The following WWC1 variants were observed in gnomAD, a reference collection of about 807,000 sequenced individuals.
WWC1 encodes the protein WW and C2 domain containing 1, also known as protein KIBRA.
In WWC1, 55 loss-of-function variants were observed where a neutral mutation model predicts 138.4. The observed-to-expected ratio is 0.40, with a 90% CI of 0.32 to 0.50. WWC1 has a LOEUF of 0.50. WWC1 is among the 20% of genes least tolerant of loss of function. The pLI is 0.72. For missense variants in WWC1, 1,226 were observed against 1,420.4 expected (o/e 0.86, Z 2.20); for synonymous variants, 524 against 564.9 (o/e 0.93, Z 1.03).
chr5:168,380,009 G>T (rs1777494626), intron 2 of WWC1, among the ~76,000 whole-genome samples: 4 of 152,154 alleles, frequency 2.6e-5, no homozygotes. Flanking sequence ...AATAAATTTG[G>T]TTTCATCAAA....
At chr5:168,331,874 G>A (rs1237257015) in intron 1 of WWC1, among the ~76,000 whole-genome samples, 1 of 152,148 alleles carries the variant, frequency 6.6e-6, no homozygotes, top group Admixed American at 6.6e-5. Context: ...TGCTGGGCAC[G>A]GTGGCTCATG....
intron 17 of WWC1, among the ~76,000 whole-genome samples, chr5:168,446,235 A>T (rs1188488142): frequency 2.7e-5 from 3 of 111,782 alleles, no homozygotes; most frequent in Non-Finnish European, 5.4e-5. Context: ...CCATTATTAA[A>T]AAAAAAAAAA....
At chr5:168,401,876 T>C (rs893354188) in intron 5 of WWC1, among the ~76,000 whole-genome samples, 5 of 152,194 alleles carry the variant, frequency 3.3e-5, no homozygotes, top group African/African-American at 1.2e-4. Context: ...AGAAAATGCC[T>C]ATTTTTGACC....
chr5:168,461,160 C>A (rs1272101356), intron 20 of WWC1, among the ~76,000 whole-genome samples: 1 of 152,092 alleles, frequency 6.6e-6, no homozygotes, highest in Non-Finnish European at 1.5e-5. Flanking sequence ...GAAACCCCAT[C>A]TCTACTAAAA....
intron 8 of WWC1, 42 bp from the exon 9 acceptor site, chr5:168,414,306 G>A (rs1321984941): frequency 2.5e-6 from 4 of 1,604,036 alleles, no homozygotes; most frequent in Admixed American, 1.7e-5. Context: ...TTCCCTCAGT[G>A]CCATTAGGCA....
At chr5:168,348,399 C>T (rs1774657252) in intron 1 of WWC1, among the ~76,000 whole-genome samples, 1 of 152,224 alleles carries the variant, frequency 6.6e-6, no homozygotes, top group African/African-American at 2.4e-5. Context: ...GGCAGTGACC[C>T]AGGCTCCTTT....
chr5:168,352,899 A>G (rs935237703), intron 1 of WWC1, among the ~76,000 whole-genome samples: 2 of 152,076 alleles, frequency 1.3e-5, no homozygotes, highest in Non-Finnish European at 2.9e-5. Context: ...AATAATTTTC[A>G]ATTATACAAA....
intron 7 of WWC1, among the ~76,000 whole-genome samples, chr5:168,408,928 C>T (rs554118332): frequency 6.6e-6 from 1 of 152,254 alleles, no homozygotes; most frequent in Admixed American, 6.5e-5. Flanking sequence ...TAATGCTGCA[C>T]AGAAAGCATG....
At chr5:168,357,541 C>T (rs1775553968) in intron 1 of WWC1, among the ~76,000 whole-genome samples, 1 of 149,226 alleles carries the variant, frequency 6.7e-6, no homozygotes, top group Non-Finnish European at 1.5e-5. Flanking sequence ...TATTGTGTTC[C>T]CTTTCTGTGC....
At chr5:168,333,619 C>G (rs1773213308) in intron 1 of WWC1, among the ~76,000 whole-genome samples, 1 of 152,162 alleles carries the variant, frequency 6.6e-6, no homozygotes, top group South Asian at 2.1e-4. Flanking sequence ...AAACACTGAG[C>G]TCTGCACTGG....
chr5:168,417,334 T>C (rs1780737060), intron 9 of WWC1, among the ~76,000 whole-genome samples: 1 of 152,196 alleles, frequency 6.6e-6, no homozygotes, highest in African/African-American at 2.4e-5. Flanking sequence ...ATTGAGGCTC[T>C]TCCCTTCTGT....
rs1581828925 is a variant in WWC1 at position 168,291,809 on chromosome 5, C to T, written c.-344C>T. On this transcript the variant is annotated 5_prime_UTR_variant, in exon 1 of 23. Coordinates refer to ENST00000265293, the MANE Select transcript of WWC1 (RefSeq NM_015238.3). ...CAGCGGCGGCGTGGAGGGCGCAGCG[C>T]GCCGCGCGGCGGAGGAGGGCAGACG... The T allele has an allele frequency of 6.6e-6, 1 of 150,840 alleles. No homozygotes were observed. Among genetic ancestry groups the T allele is most frequent in the South Asian group, 1.8e-4 (1 of 5,672 alleles). 9.3% of individuals were successfully genotyped at this position (150,840 alleles called of 1,614,324 possible). A position where few individuals can be genotyped will look rare whatever the true frequency, so the allele number is the denominator to read the frequency against.
At chr5:168,462,697 C>T (rs571465846) in intron 20 of WWC1, among the ~76,000 whole-genome samples, 10 of 152,272 alleles carry the variant, frequency 6.6e-5, no homozygotes, top group African/African-American at 2.2e-4. Context: ...AAGGGAGCCC[C>T]GATGGTGGGT....
chr5:168,332,368 A>G (rs1189385246), intron 1 of WWC1, among the ~76,000 whole-genome samples: 1 of 152,200 alleles, frequency 6.6e-6, no homozygotes, highest in Non-Finnish European at 1.5e-5. Context: ...TTCAGTACAT[A>G]TAAATATTCT....
intron 1 of WWC1, among the ~76,000 whole-genome samples, chr5:168,354,858 G>C (rs1487129714): frequency 6.6e-6 from 1 of 152,140 alleles, no homozygotes; most frequent in East Asian, 1.9e-4. Context: ...TATATGCTCT[G>C]TATCCCTGGA....
chr5:168,471,981 C>A lies in WWC1; in HGVS notation c.*2964C>A, dbSNP rs949339957. On this transcript the variant is annotated 3_prime_UTR_variant, in exon 23 of 23. Coordinates refer to ENST00000265293, the MANE Select transcript of WWC1 (RefSeq NM_015238.3). ...AATTCCTTCTCAGTGACACATTCAT[C>A]TGTGCTCAGTTGTCCCAGCAAGGGT... 1 of 152,284 alleles carries A rather than the reference C, an allele frequency of 6.6e-6. No homozygotes were observed. Among genetic ancestry groups the A allele is most frequent in the African/African-American group, 2.4e-5 (1 of 41,464 alleles). 9.4% of individuals were successfully genotyped at this position (152,284 alleles called of 1,614,324 possible). A position where few individuals can be genotyped will look rare whatever the true frequency, so the allele number is the denominator to read the frequency against.
At chr5:168,326,978 C>T (rs1393228276) in intron 1 of WWC1, among the ~76,000 whole-genome samples, 2 of 152,228 alleles carry the variant, frequency 1.3e-5, no homozygotes, top group Admixed American at 6.5e-5. Context: ...GACTCATTCC[C>T]ACCCTTCTAT....
At chr5:168,393,860 C>T (rs984199146) in intron 3 of WWC1, among the ~76,000 whole-genome samples, 1 of 152,112 alleles carries the variant, frequency 6.6e-6, no homozygotes, top group African/African-American at 2.4e-5. Context: ...AGATAACCAG[C>T]AGAATGTGAG....
At chr5:168,335,722 T>C (rs1250285005) in intron 1 of WWC1, among the ~76,000 whole-genome samples, 4 of 152,256 alleles carry the variant, frequency 2.6e-5, no homozygotes, top group Admixed American at 2.6e-4. Flanking sequence ...CAAGTAGGCC[T>C]AGCAGCCAGC....
Sources: allele counts gnomAD v4.1 joint callset (sites outside exome capture counted in the v4.1 genomes callset), GRCh38; gene constraint gnomAD v4.1.1; transcripts MANE v1.5; gene names NCBI Gene and HGNC (gene_info 2026-07-23, HGNC 2026-07-21).